Variants in GALR1 observed in about 807,000 individuals in gnomAD.
GALR1 encodes galanin receptor 1, also known as galanin receptor type 1.
Under a neutral mutation model 17.9 loss-of-function variants are expected in GALR1, and 11 were observed. The ratio of observed to expected loss-of-function variants is 0.62; its 90% CI spans 0.39 to 1.02. GALR1 has a LOEUF of 1.02. Ranked by LOEUF, GALR1 falls within the 50% of genes least tolerant of loss-of-function variation. GALR1 has a pLI of 0.01. For synonymous variants in GALR1, 206 were observed against 205.7 expected, an observed-to-expected ratio of 1.00 and a Z score of -0.01; for missense variants, 441 against 456.9, an observed-to-expected ratio of 0.97 and a Z score of 0.32.
intron 2 of GALR1, among the ~76,000 whole-genome samples, chr18:77,258,580 T>TGGTGATGATGGC (rs1912652949): frequency 7.3e-6 from 1 of 136,960 alleles, no homozygotes. Context: ...GTGGTGGTGG[T>TGGTGATGATGGC]CATGGTGGTG....
chr18:77,260,779 A>G (rs574078076), intron 2 of GALR1, among the ~76,000 whole-genome samples: 22 of 152,350 alleles, frequency 1.4e-4, no homozygotes, highest in Admixed American at 8.5e-4. Context: ...CTAGACATAA[A>G]GAAATGTTTC....
rs755002340 is a variant in GALR1, at chr18:77,269,677, A to C, written c.*775A>C. ...GGAAGATGCAAATAAGTTTTTGAGA[A>C]TAAAACTGGATTTTGAAATTTTACA... On this transcript the variant is annotated 3_prime_UTR_variant, in exon 3 of 3. Transcript: ENST00000299727. 1.1e-4 allele frequency: 17 copies of C among 152,246 alleles called. No homozygotes were observed. Among genetic ancestry groups the C allele is most frequent in the Non-Finnish European group, 2.5e-4 (17 of 68,042 alleles). 9.4% of individuals were successfully genotyped at this position (152,246 alleles called of 1,614,324 possible). A position where few individuals can be genotyped will look rare whatever the true frequency, so the allele number is the denominator to read the frequency against.
At chr18:77,258,188 C>T (rs1446501402) in intron 2 of GALR1, among the ~76,000 whole-genome samples, 1 of 152,088 alleles carries the variant, frequency 6.6e-6, no homozygotes, top group Non-Finnish European at 1.5e-5. Context: ...CACATATATA[C>T]ACAAATATTT....
Position 77,277,231 on chromosome 18 carries a change from A to G in GALR1, c.*8329A>G, listed in dbSNP as rs1205922291. 1 of 152,194 alleles carries G rather than the reference A, an allele frequency of 6.6e-6. No homozygotes were observed. The highest frequency in any genetic ancestry group is 2.4e-5 in the African/African-American group (1 of 41,436). The allele number at this position is 152,194 out of a possible 1,614,324, so 9.4% of individuals were successfully genotyped here. A position where few individuals can be genotyped will look rare whatever the true frequency, so the allele number is the denominator to read the frequency against. Reference sequence around the variant, plus strand: ...GTGTACTGTATTTTTAAATTTTAATAAGGTTTGATATGGTTTGGCTCTGTG... The same window carrying G: ...GTGTACTGTATTTTTAAATTTTAATGAGGTTTGATATGGTTTGGCTCTGTG... On this transcript the variant is annotated 3_prime_UTR_variant, in exon 3 of 3. Transcript: ENST00000299727.
chr18:77,251,235 C>A, intron 1 of GALR1, 21 bp downstream of exon 1: 1 of 1,576,092 alleles, frequency 6.3e-7, no homozygotes, highest in South Asian at 1.1e-5. Flanking sequence ...GTCGCGGGGC[C>A]GAGACGCGCG....
intron 2 of GALR1, among the ~76,000 whole-genome samples, chr18:77,260,484 A>G (rs1354028536): frequency 6.6e-6 from 1 of 152,146 alleles, no homozygotes; most frequent in Non-Finnish European, 1.5e-5. Flanking sequence ...TCATGACCTA[A>G]TTACCATCCA....
At chr18:77,257,085 A>G (rs534336244) in intron 2 of GALR1, among the ~76,000 whole-genome samples, 3 of 152,342 alleles carry the variant, frequency 2.0e-5, no homozygotes, top group African/African-American at 7.2e-5. Flanking sequence ...GATCAATGAC[A>G]TACCTAATTT....
At chr18:77,256,459 A>C (rs1912592555) in intron 2 of GALR1, among the ~76,000 whole-genome samples, 1 of 151,732 alleles carries the variant, frequency 6.6e-6, no homozygotes, top group Non-Finnish European at 1.5e-5. Flanking sequence ...TGGGGAGATG[A>C]GGAAATGCGG....
At chr18:77,256,458 G>A (rs1912592483) in intron 2 of GALR1, among the ~76,000 whole-genome samples, 1 of 151,914 alleles carries the variant, frequency 6.6e-6, no homozygotes, top group Admixed American at 6.6e-5. Context: ...CTGGGGAGAT[G>A]AGGAAATGCG....
chr18:77,271,580 T>C lies in GALR1; in HGVS notation c.*2678T>C, dbSNP rs1237211377. On this transcript the variant is annotated 3_prime_UTR_variant, in exon 3 of 3. Coordinates refer to ENST00000299727, the MANE Select transcript of GALR1 (RefSeq NM_001480.4). ...CAATGACCAATTCTGAAGCACCTTCTTTTCCGTCACTAAATAAAGACAGCT... is the reference window on the plus strand; with the variant it reads ...CAATGACCAATTCTGAAGCACCTTCCTTTCCGTCACTAAATAAAGACAGCT... 2 of 152,190 alleles carry C rather than the reference T, an allele frequency of 1.3e-5. No individual in the cohort carries two copies. 9.4% of individuals were successfully genotyped at this position (152,190 alleles called of 1,614,324 possible).
At position 77,252,860 on chromosome 18, in the gene GALR1, CCACCACCACCACCACCACCAT is replaced by C. The variant is rs1568138930; in HGVS notation, c.666+1661_666+1681del. Among the ~76,000 whole-genome samples the C allele has an allele frequency of 3.5e-3, 341 of 96,404 alleles. 6 individuals are homozygous for C. The highest frequency in any genetic ancestry group is 0.014 in the African/African-American group (322 of 23,192). The allele number at this position is 96,404 out of a possible 152,430, so 63.2% of individuals were successfully genotyped here. A position where few individuals can be genotyped will look rare whatever the true frequency, so the allele number is the denominator to read the frequency against. On this transcript the variant is annotated intron_variant, in intron 1 of 2. Coordinates refer to ENST00000299727, the MANE Select transcript of GALR1 (RefSeq NM_001480.4). ...AGCGAGACTCTGTCTCAAAACACCA[CCACCACCACCACCACCACCAT>C]CACCACCACCACCATCACCACCACC...
chr18:77,250,502 C>A lies in GALR1; in HGVS notation c.-47C>A. 1.4e-6 allele frequency: 2 copies of A among 1,426,086 alleles called. No individual in the cohort carries two copies. Among genetic ancestry groups the A allele is most frequent in the Non-Finnish European group, 1.8e-6 (2 of 1,100,672 alleles). 88.3% of individuals were successfully genotyped at this position (1,426,086 alleles called of 1,614,324 possible). ...CACCCCCGGCGCCTACTATCCCGCC[C>A]TCCCTCCCCGCGCGCCCCGCCGCTC... On this transcript the variant is annotated 5_prime_UTR_variant, in exon 1 of 3. Transcript: ENST00000299727.
intron 1 of GALR1, among the ~76,000 whole-genome samples, chr18:77,252,717 G>A (rs1304333722): frequency 1.3e-5 from 2 of 151,738 alleles, no homozygotes; most frequent in East Asian, 1.9e-4. Flanking sequence ...GTGTGGTGGC[G>A]GGCCCCTGTA....
At chr18:77,267,155 T>C (rs970517250) in intron 2 of GALR1, among the ~76,000 whole-genome samples, 8 of 152,234 alleles carry the variant, frequency 5.3e-5, no homozygotes, top group African/African-American at 1.9e-4. Flanking sequence ...GGGGAAGCAC[T>C]CTGTCCCTTC....
rs1912365641 is a variant in GALR1 at position 77,250,261 on chromosome 18, G to C, written c.-288G>C. 1.3e-5 allele frequency among the ~76,000 whole-genome samples: 2 copies of C among 152,144 alleles called. No homozygotes were observed. On this transcript the variant is annotated 5_prime_UTR_variant, in exon 1 of 3. Transcript: ENST00000299727. ...CCGTGGTCGCGCAGCGGGCGGAGGC[G>C]CCCGGGAAGGGGACCCCAGTGCTCT...
Position 77,272,538 on chromosome 18 carries a change from G to A in GALR1, c.*3636G>A, listed in dbSNP as rs1568145856. 1 of 152,192 alleles carries A rather than the reference G, an allele frequency of 6.6e-6. No homozygotes were observed. The highest frequency in any genetic ancestry group is 1.5e-5 in the Non-Finnish European group (1 of 68,042). The allele number at this position is 152,192 out of a possible 1,614,324, so 9.4% of individuals were successfully genotyped here. A position where few individuals can be genotyped will look rare whatever the true frequency, so the allele number is the denominator to read the frequency against. ...TGTAAACTACATAGTCACTAACTGCGAAAATACATCAATGTGGCTACTTCC... is the reference window on the plus strand; with the variant it reads ...TGTAAACTACATAGTCACTAACTGCAAAAATACATCAATGTGGCTACTTCC... On this transcript the variant is annotated 3_prime_UTR_variant, in exon 3 of 3. Transcript: ENST00000299727.
intron 1 of GALR1, among the ~76,000 whole-genome samples, chr18:77,252,854 A>ACACCACCACCACCACCACCACCACCAC (rs1217118933): frequency 1.9e-5 from 1 of 52,598 alleles, no homozygotes; most frequent in African/African-American, 6.3e-5. Flanking sequence ...CTGTCTCAAA[A>ACACCACCACCACCACCACCACCACCAC]CACCACCACC....
Position 77,268,694 on chromosome 18 carries a change from C to A in GALR1, c.842C>A (p.Ser281Tyr). 6.2e-7 allele frequency: 1 copy of A among 1,614,148 alleles called. No homozygotes were observed. The highest frequency in any genetic ancestry group is 8.5e-7 in the Non-Finnish European group (1 of 1,180,032). ...GGAGTTTTCCCGCTGACGCCGGCTT[C>A]CTTCCTCTTCAGAATCACCGCCCAC... ...EFGVFPLTPASFLFRITAHCL... is the reference protein window; with the variant it reads ...EFGVFPLTPAYFLFRITAHCL... The change falls in exon 3 of 3, where the codon TCC becomes TAC. Residue 281 changes from serine (S) to tyrosine (Y), a missense_variant. Ser to Tyr is a moderately radical substitution (Grantham distance 144). Transcript: ENST00000299727.
chr18:77,262,299 G>A (rs9807208), intron 2 of GALR1, among the ~76,000 whole-genome samples: 84,378 of 151,728 alleles, frequency 0.56, 25,861 homozygotes, highest in Non-Finnish European at 0.69. Flanking sequence ...ATTAGTACAC[G>A]TGCATTATTT....
Sources: allele counts gnomAD v4.1 joint callset (sites outside exome capture counted in the v4.1 genomes callset), GRCh38; gene constraint gnomAD v4.1.1; transcripts MANE v1.5; gene names NCBI Gene and HGNC (gene_info 2026-07-23, HGNC 2026-07-21).